Variants in SGCD observed in about 807,000 individuals in gnomAD.
SGCD encodes the protein sarcoglycan delta.
A neutral mutation model predicts 36.6 loss-of-function variants in SGCD; 18 were observed. The ratio of observed to expected loss-of-function variants is 0.49; its 90% CI spans 0.34 to 0.73. The LOEUF (loss-of-function observed/expected upper bound fraction) is 0.73, where lower values mean the gene tolerates loss of function less well. Among genes scored for constraint, SGCD ranks in the 30% least tolerant of loss-of-function variants. The pLI is 0.01. For synonymous variants in SGCD, 133 were observed against 130.6 expected (o/e 1.02, Z -0.12); for missense variants, 387 against 346.7 (o/e 1.12, Z -0.92).
chr5:155,863,059 A>T, the SGCD span, among the ~76,000 whole-genome samples: 1 of 152,344 alleles, frequency 6.6e-6, no homozygotes, highest in South Asian at 2.1e-4. Context: ...AAACAGAAAG[A>T]TAGATATCCA....
chr5:156,554,439 A>G (rs546829302), intron 4 of SGCD, among the ~76,000 whole-genome samples: 5 of 151,224 alleles, frequency 3.3e-5, no homozygotes, highest in Non-Finnish European at 7.4e-5. Context: ...CTATTTTGTC[A>G]TTATTGCTGT....
intron 3 of SGCD, among the ~76,000 whole-genome samples, chr5:156,428,335 C>T (rs1773766859): frequency 6.6e-6 from 1 of 152,044 alleles, no homozygotes; most frequent in South Asian, 2.1e-4. Flanking sequence ...TAAAGGTGTT[C>T]ATAGTAGCCT....
At chr5:156,299,866 T>C (rs1056575093) in intron 3 of SGCD, among the ~76,000 whole-genome samples, 3 of 152,138 alleles carry the variant, frequency 2.0e-5, no homozygotes, top group Non-Finnish European at 4.4e-5. Flanking sequence ...AAATGTAAGA[T>C]CATATAATAT....
intron 1 of SGCD, 123 bp from the exon 2 acceptor site, chr5:156,329,411 C>T (rs1248506839): frequency 4.2e-6 from 3 of 713,672 alleles, no homozygotes; most frequent in African/African-American, 1.8e-5. Flanking sequence ...CCTGCCCTGC[C>T]TTCTGGAAGT....
At chr5:156,199,959 A>G (rs983913992) in intron 3 of SGCD, among the ~76,000 whole-genome samples, 2 of 152,096 alleles carry the variant, frequency 1.3e-5, no homozygotes, top group East Asian at 1.9e-4. Flanking sequence ...ATTTTCTTTT[A>G]CTTTTAATGT....
intron 1 of SGCD, among the ~76,000 whole-genome samples, chr5:156,093,657 G>A (rs1038431525): frequency 6.6e-6 from 1 of 152,174 alleles, no homozygotes; most frequent in East Asian, 1.9e-4. Flanking sequence ...GTTTGTGCGT[G>A]GAGCAACTCC....
chr5:156,695,134 G>T lies in SGCD; in HGVS notation c.575+47598G>T, dbSNP rs1024530895. Among the ~76,000 whole-genome samples the T allele has an allele frequency of 2.4e-3, 273 of 114,674 alleles. 2 individuals carry two copies. The highest frequency in any genetic ancestry group is 4.9e-3 in the African/African-American group (162 of 33,082). The allele number at this position is 114,674 out of a possible 152,430, so 75.2% of individuals were successfully genotyped here. ...TGTTTGTGTGTGTGTGTGTGTGTGT[G>T]TGTTTGTGTGTGTGTGTGTGTGTGT... is the stretch of plus-strand genomic sequence containing the variant. On this transcript the variant is annotated intron_variant, in intron 7 of 8. Transcript: ENST00000337851.
the SGCD span, among the ~76,000 whole-genome samples, chr5:155,830,921 T>G: frequency 6.6e-6 from 1 of 152,194 alleles, no homozygotes. Flanking sequence ...AGCAAACAAT[T>G]ATTGTTTATT....
chr5:155,957,926 C>G (rs1757700372), intron 1 of SGCD, among the ~76,000 whole-genome samples: 1 of 152,078 alleles, frequency 6.6e-6, no homozygotes, highest in South Asian at 2.1e-4. Flanking sequence ...AGAGTGGGCA[C>G]AGGTGCAGAG....
At chr5:156,019,898 C>A (rs1325894785) in intron 1 of SGCD, among the ~76,000 whole-genome samples, 2 of 152,160 alleles carry the variant, frequency 1.3e-5, no homozygotes, top group Admixed American at 1.3e-4. Context: ...TGTGCTGTGG[C>A]CTAACTCATG....
At chr5:156,733,854 C>T (rs970044328) in intron 7 of SGCD, among the ~76,000 whole-genome samples, 3 of 152,126 alleles carry the variant, frequency 2.0e-5, no homozygotes, top group African/African-American at 7.2e-5. Flanking sequence ...TTCCTCCATC[C>T]CTTTATTTTG....
chr5:156,643,301 G>C (rs559913792), intron 6 of SGCD, among the ~76,000 whole-genome samples: 1 of 152,016 alleles, frequency 6.6e-6, no homozygotes. Flanking sequence ...CAAAATGCTG[G>C]GATTACAGGT....
chr5:156,755,786 T>C (rs1025137838), intron 7 of SGCD, among the ~76,000 whole-genome samples: 7 of 152,176 alleles, frequency 4.6e-5, no homozygotes, highest in Non-Finnish European at 1.5e-5. Flanking sequence ...GCCAATCCTT[T>C]CGTAAGTACT....
intron 4 of SGCD, among the ~76,000 whole-genome samples, chr5:156,563,583 T>A (rs1311630861): frequency 6.6e-6 from 1 of 152,226 alleles, no homozygotes; most frequent in Non-Finnish European, 1.5e-5. Flanking sequence ...ACCCTCAAGT[T>A]CTTCAGACTA....
chr5:156,011,311 T>G (rs1758855982), intron 1 of SGCD, among the ~76,000 whole-genome samples: 1 of 152,172 alleles, frequency 6.6e-6, no homozygotes. Flanking sequence ...GGTACTACAG[T>G]ATGCATATAG....
chr5:156,508,317 G>C, intron 3 of SGCD, among the ~76,000 whole-genome samples: 1 of 151,952 alleles, frequency 6.6e-6, no homozygotes, highest in South Asian at 2.1e-4. Flanking sequence ...TTTCTGTGCT[G>C]CCTAGCAAAA....
At chr5:156,736,938 T>A (rs1189001243) in intron 7 of SGCD, among the ~76,000 whole-genome samples, 1 of 152,138 alleles carries the variant, frequency 6.6e-6, no homozygotes, top group Non-Finnish European at 1.5e-5. Context: ...TAAATACCAT[T>A]TCAGGCTTCT....
At position 156,463,261 on chromosome 5, in the gene SGCD, C is replaced by G. The variant is rs1016218919; in HGVS notation, c.193-45340C>G. ...GTTTCACTGTGTTAGCCAGGATGGTCTCGATCTCCTGACCTTGTGATCTGC... is the reference window on the plus strand; with the variant it reads ...GTTTCACTGTGTTAGCCAGGATGGTGTCGATCTCCTGACCTTGTGATCTGC... On this transcript the variant is annotated intron_variant, in intron 3 of 8. Coordinates refer to ENST00000337851, the MANE Select transcript of SGCD (RefSeq NM_000337.6). 2.6e-5 allele frequency among the ~76,000 whole-genome samples: 4 copies of G among 152,026 alleles called. No homozygotes were observed. The East Asian group carries it at 7.7e-4, about 29-fold the overall frequency.
intron 1 of SGCD, among the ~76,000 whole-genome samples, chr5:155,915,439 A>G (rs548349533): frequency 1.3e-5 from 2 of 152,298 alleles, no homozygotes; most frequent in African/African-American, 4.8e-5. Flanking sequence ...TGAGCTATAT[A>G]CAAGGCCCCA....
Sources: gnomAD v4.1 joint callset for allele counts (sites outside exome capture counted in the v4.1 genomes callset) on GRCh38, gnomAD v4.1.1 for gene constraint, MANE v1.5 for transcripts, NCBI Gene and HGNC (gene_info 2026-07-23, HGNC 2026-07-21) for gene names.